FMNL3: variants seen among roughly 807,000 people sequenced by gnomAD.
FMNL3 encodes the protein formin like 3, also known as formin-like protein 3.
In FMNL3, 57 loss-of-function variants were observed where a neutral mutation model predicts 119.6. That is an observed-to-expected ratio of 0.48 (90% CI 0.39 to 0.59). The LOEUF (loss-of-function observed/expected upper bound fraction) is 0.59. Among genes scored for constraint, FMNL3 ranks in the 20% least tolerant of loss-of-function variants. The pLI is 0.00. For missense variants in FMNL3, 1,053 were observed against 1,323.5 expected, an observed-to-expected ratio of 0.80 and a Z score of 3.17; for synonymous variants, 491 against 507.3, an observed-to-expected ratio of 0.97 and a Z score of 0.43.
chr12:49,648,161 G>T, intron 22 of FMNL3, 32 bp downstream of exon 22: 1 of 1,598,138 alleles, frequency 6.3e-7, no homozygotes, highest in Non-Finnish European at 8.5e-7. Context: ...CCTTGGCCCT[G>T]GTTGCTCCCA....
intron 21 of FMNL3, 54 bp from the exon 22 acceptor site, chr12:49,648,407 C>T (rs935902125): frequency 1.9e-6 from 3 of 1,564,986 alleles, no homozygotes; most frequent in Non-Finnish European, 2.6e-6. Context: ...TGCTCACCTC[C>T]CAGCCCAGAG....
intron 1 of FMNL3, among the ~76,000 whole-genome samples, chr12:49,690,704 T>C (rs1474785162): frequency 6.6e-6 from 1 of 152,158 alleles, no homozygotes; most frequent in Non-Finnish European, 1.5e-5. Context: ...CTTTCCCCTA[T>C]ATTCTGCCAC....
chr12:49,700,776 C>T (rs1366532523), intron 1 of FMNL3, among the ~76,000 whole-genome samples: 1 of 142,748 alleles, frequency 7.0e-6, no homozygotes, highest in Admixed American at 7.1e-5. Flanking sequence ...GAGTACTATG[C>T]AGTAATGAAA....
intron 1 of FMNL3, among the ~76,000 whole-genome samples, chr12:49,696,443 A>G (rs1322369963): frequency 6.6e-6 from 1 of 152,242 alleles, no homozygotes; most frequent in Admixed American, 6.5e-5. Flanking sequence ...AAATCTGCGT[A>G]TAAGCTCACC....
chr12:49,659,403 AATT>A (rs200987082), intron 5 of FMNL3, among the ~76,000 whole-genome samples: 2,420 of 151,900 alleles, frequency 0.016, 58 homozygotes, highest in African/African-American at 0.05. Flanking sequence ...CACCATCAGC[AATT>A]ATTATTATTA....
At chr12:49,674,904 A>C (rs112157264) in intron 1 of FMNL3, among the ~76,000 whole-genome samples, 1 of 152,250 alleles carries the variant, frequency 6.6e-6, no homozygotes, top group African/African-American at 2.4e-5. Flanking sequence ...TGCAGTTCAC[A>C]CCAGGGAAGT....
intron 1 of FMNL3, among the ~76,000 whole-genome samples, chr12:49,698,523 C>A (rs76490111): frequency 5.1e-4 from 67 of 130,742 alleles, no homozygotes; most frequent in Middle Eastern, 3.9e-3. Flanking sequence ...CTCCCCACCC[C>A]CAAAAAAAAA....
At chr12:49,675,736 ACTTCCAAG>A (rs1472058828) in intron 1 of FMNL3, among the ~76,000 whole-genome samples, 1 of 152,172 alleles carries the variant, frequency 6.6e-6, no homozygotes, top group African/African-American at 2.4e-5. Context: ...AAACTTTCAA[ACTTCCAAG>A]CACATAAGAT....
intron 16 of FMNL3, 72 bp downstream of exon 16, chr12:49,651,096 C>T: frequency 1.9e-6 from 3 of 1,585,326 alleles, no homozygotes. Flanking sequence ...TTTTCTAAGA[C>T]CAGAATCTCC....
At position 49,666,204 on chromosome 12, in the gene FMNL3, G is replaced by A. The variant is rs571620852; in HGVS notation, c.214C>T (p.Arg72Ter). Reference sequence around the variant, plus strand: ...TGGGGAGGATTCTTCACCTGGAATCGTTCCTGTAAGGGAAACATGCATATG... The same window carrying A: ...TGGGGAGGATTCTTCACCTGGAATCATTCCTGTAAGGGAAACATGCATATG... ...KKWDLICDQE[R>*]FQVKNPPHTY... Residue 72 changes from arginine (R) to a stop codon, truncating the protein, a stop_gained, in exon 3 of 26, where the codon CGA (arginine) becomes TGA (stop). Transcript: ENST00000335154. LOFTEE classifies it high-confidence loss of function. 3 of 1,613,440 alleles carry A rather than the reference G, an allele frequency of 1.9e-6. No individual in the cohort carries two copies. The highest frequency in any genetic ancestry group is 1.1e-5 in the South Asian group (1 of 90,988).
rs1943719567 is a variant in FMNL3, at chr12:49,661,067, T to G, written c.452+899A>C. The stretch of plus-strand genomic sequence containing the variant: ...TATGGGCAAACTGGGAAGATTGGTC[T>G]CCCTAAGGCTGACCTGTCTTAGGTG... On this transcript the variant is annotated intron_variant, in intron 5 of 25. Transcript: ENST00000335154. 2.0e-5 allele frequency among the ~76,000 whole-genome samples: 3 copies of G among 152,242 alleles called. No homozygotes were observed. The South Asian group carries it at 6.2e-4, about 31-fold the overall frequency.
rs1371999689 is a variant in FMNL3, at chr12:49,651,275, G to A, written c.1690C>T (p.Pro564Ser). Residue 564 changes from proline to serine, a missense_variant, in exon 16 of 26, where the codon CCT (proline) becomes TCT (serine). By Grantham distance (74) the Pro-to-Ser change is moderately conservative. This residue lies in a region of FMNL3 where 445 missense variants were observed against 628.4 expected (regional missense o/e 0.71). Transcript: ENST00000335154. ...GGCAGCCGGAACTTGGTCTTGATAGGTTTCTTAATTCGAATGGCTAATTTG... is the reference window on the plus strand; with the variant it reads ...GGCAGCCGGAACTTGGTCTTGATAGATTTCTTAATTCGAATGGCTAATTTG... ...VGLSAIRIKK[P>S]IKTKFRLPVF... is the part of the protein sequence containing the mutation. 1 of 1,612,462 alleles carries A rather than the reference G, an allele frequency of 6.2e-7. No individual in the cohort carries two copies. Among genetic ancestry groups the A allele is most frequent in the African/African-American group, 1.3e-5 (1 of 74,998 alleles).
intron 12 of FMNL3, among the ~76,000 whole-genome samples, 167 bp downstream of exon 12, chr12:49,653,558 A>G (rs1358287134): frequency 6.6e-6 from 1 of 152,122 alleles, no homozygotes; most frequent in Non-Finnish European, 1.5e-5. Context: ...GTGTATTCCA[A>G]CTGGTGGATG....
chr12:49,652,329 A>C, intron 13 of FMNL3, 117 bp from the exon 14 acceptor site: 7 of 1,443,998 alleles, frequency 4.8e-6, no homozygotes, highest in Non-Finnish European at 6.4e-6. Flanking sequence ...GGGTACTCAG[A>C]GGCTCAGAGT....
rs1291364067 is a variant in FMNL3 at position 49,649,233 on chromosome 12, G to A, written c.2385+26C>T. On this transcript the variant is annotated intron_variant, in intron 20 of 25. Transcript: ENST00000335154. This position sits in a 1 kb window ranked among gnomAD's most constrained non-coding sequence, Gnocchi z 5.6. ...ACAACTGCTGCCCCCCAGGCTTCCT[G>A]GCCCACGCTGCCCTCACCATCTTAC... is the stretch of plus-strand genomic sequence containing the variant. The A allele has an allele frequency of 6.2e-6, 10 of 1,613,884 alleles. No individual in the cohort carries two copies. In the African/African-American group the frequency reaches 6.7e-5, roughly 11 times the overall value.
rs1943886307 is a variant in FMNL3 at position 49,666,180 on chromosome 12, G to A, written c.238C>T (p.His80Tyr). Residue 80 changes from histidine to tyrosine, a missense_variant, in exon 3 of 26, where the codon CAC becomes TAC. This residue lies in a region of FMNL3 where 264 missense variants were observed against 265.5 expected (regional missense o/e 0.99). Coordinates refer to ENST00000335154, the MANE Select transcript of FMNL3 (RefSeq NM_175736.5). ...QERFQVKNPP[H>Y]TYIQKLQSFL... is the part of the protein sequence containing the mutation. Reference sequence around the variant, plus strand: ...CTCTGGAGTTTCTGAATGTAAGTGTGGGGAGGATTCTTCACCTGGAATCGT... The same window carrying A: ...CTCTGGAGTTTCTGAATGTAAGTGTAGGGAGGATTCTTCACCTGGAATCGT... 2 of 1,613,892 alleles carry A rather than the reference G, an allele frequency of 1.2e-6. No homozygotes were observed. The highest frequency in any genetic ancestry group is 1.3e-5 in the African/African-American group (1 of 74,904).
intron 1 of FMNL3, among the ~76,000 whole-genome samples, chr12:49,701,022 T>G (rs570281241): frequency 7.0e-6 from 1 of 143,250 alleles, no homozygotes; most frequent in South Asian, 2.2e-4. Context: ...GAGGTTGCAG[T>G]GAGCCGAGAT....
chr12:49,692,642 A>C (rs1022743603), intron 1 of FMNL3, among the ~76,000 whole-genome samples: 1 of 152,326 alleles, frequency 6.6e-6, no homozygotes, highest in Admixed American at 6.5e-5. Context: ...ACGTACATAT[A>C]TATCTTGGAG....
intron 1 of FMNL3, among the ~76,000 whole-genome samples, chr12:49,682,538 G>A (rs1174982957): frequency 6.6e-6 from 1 of 151,994 alleles, no homozygotes. Context: ...GTTGAGACAA[G>A]GTCTTGCTAT....
Sources: gnomAD v4.1 joint callset for allele counts (sites outside exome capture counted in the v4.1 genomes callset) on GRCh38, gnomAD v4.1.1 for gene constraint, gnomAD v4.1.1 regional missense constraint, Gnocchi (gnomAD v3.1) non-coding constraint, MANE v1.5 for transcripts, NCBI Gene and HGNC (gene_info 2026-07-23, HGNC 2026-07-21) for gene names.